The following MYLK variants were observed in gnomAD, a reference collection of about 807,000 sequenced individuals.
MYLK encodes the protein myosin light chain kinase.
A neutral mutation model predicts 203.4 loss-of-function variants in MYLK; 106 were observed. The observed-to-expected ratio is 0.52, with a 90% CI of 0.45 to 0.61. The LOEUF is 0.61. MYLK is among the 20% of genes least tolerant of loss of function. MYLK has a pLI of 0.00. For missense variants in MYLK, 2,072 were observed against 2,442.3 expected, an observed-to-expected ratio of 0.85 and a Z score of 3.20; for synonymous variants, 867 against 959.5, an observed-to-expected ratio of 0.90 and a Z score of 1.78.
At position 123,733,696 on chromosome 3, in the gene MYLK, TG is replaced by T. The variant is rs2062568513; in HGVS notation, c.1299del (p.Phe433LeufsTer22). ...AATTACCTCTACTCACCTTCACATC[TG>T]AACTTGACAGTTTGATTTTCCTTGA... ...QEVKENQTVK[F>X]RCEVSGIPKP... On this transcript the variant is annotated frameshift_variant, in exon 10 of 34. Transcript: ENST00000360304. LOFTEE classifies it high-confidence loss of function. 1 of 1,614,004 alleles carries T rather than the reference TG, an allele frequency of 6.2e-7. No homozygotes were observed. Among genetic ancestry groups the T allele is most frequent in the Non-Finnish European group, 8.5e-7 (1 of 1,180,040 alleles).
At chr3:123,765,656 G>A (rs748998553) in intron 4 of MYLK, among the ~76,000 whole-genome samples, 12 of 152,080 alleles carry the variant, frequency 7.9e-5, no homozygotes, top group Non-Finnish European at 1.5e-4. Context: ...CAGATAAATG[G>A]ACAAGCAAAA....
At chr3:123,879,182 A>G (rs1272481922) in intron 1 of MYLK, among the ~76,000 whole-genome samples, 1 of 152,196 alleles carries the variant, frequency 6.6e-6, no homozygotes, top group East Asian at 1.9e-4. Context: ...TGGCCACCCA[A>G]TTGCCTCTTA....
At chr3:123,842,963 G>C (rs147840743) in intron 2 of MYLK, among the ~76,000 whole-genome samples, 1 of 152,156 alleles carries the variant, frequency 6.6e-6, no homozygotes, top group Non-Finnish European at 1.5e-5. Flanking sequence ...ACACCATGTC[G>C]GATCTGACAA....
At chr3:123,726,337 G>A (rs1011524040) in intron 11 of MYLK, among the ~76,000 whole-genome samples, 1 of 152,154 alleles carries the variant, frequency 6.6e-6, no homozygotes, top group Admixed American at 6.5e-5. Context: ...CTTAGAACCT[G>A]GGCCTGCCTT....
chr3:123,865,377 A>C (rs2032256293), intron 2 of MYLK, among the ~76,000 whole-genome samples: 1 of 152,210 alleles, frequency 6.6e-6, no homozygotes, highest in African/African-American at 2.4e-5. Context: ...CACAGCTTTC[A>C]GCAGTGAAGA....
intron 4 of MYLK, among the ~76,000 whole-genome samples, chr3:123,762,063 C>T (rs992144246): frequency 6.6e-6 from 1 of 152,052 alleles, no homozygotes; most frequent in African/African-American, 2.4e-5. Flanking sequence ...ACCAAAACAC[C>T]CGTACCTGGT....
At chr3:123,763,527 T>C (rs2063603487) in intron 4 of MYLK, among the ~76,000 whole-genome samples, 2 of 152,258 alleles carry the variant, frequency 1.3e-5, no homozygotes, top group Admixed American at 6.5e-5. Flanking sequence ...TTATACTCAA[T>C]TGACATTTTG....
rs1165000680 is a variant in MYLK, at chr3:123,694,773, C to T, written c.3449-1922G>A. The stretch of plus-strand genomic sequence containing the variant: ...GGGGCAGGCAGCTTTTCCAACCTGC[C>T]CAGAGCCTGGACCCCTGGCCATGTG... On this transcript the variant is annotated intron_variant, in intron 18 of 33. Transcript: ENST00000360304. 2.0e-5 allele frequency among the ~76,000 whole-genome samples: 3 copies of T among 152,250 alleles called. No homozygotes were observed. The East Asian group carries it at 5.8e-4, about 29-fold the overall frequency.
chr3:123,684,642 G>A (rs989059214), intron 19 of MYLK, among the ~76,000 whole-genome samples: 7 of 152,156 alleles, frequency 4.6e-5, no homozygotes, highest in Admixed American at 4.6e-4. Context: ...TGCCTCCCAG[G>A]TTCAAGTGAT....
intron 4 of MYLK, among the ~76,000 whole-genome samples, chr3:123,783,455 G>C (rs2064378171): frequency 6.6e-6 from 1 of 152,120 alleles, no homozygotes; most frequent in Admixed American, 6.6e-5. Context: ...TAAATGCAGT[G>C]TTATATATTT....
chr3:123,716,054 A>C (rs1576706838), intron 13 of MYLK: 1 of 152,210 alleles, frequency 6.6e-6, no homozygotes, highest in South Asian at 2.1e-4. Context: ...CTGTTATACT[A>C]TGGAAATTCA....
At chr3:123,796,473 G>A (rs1040520848) in intron 3 of MYLK, among the ~76,000 whole-genome samples, 2 of 152,126 alleles carry the variant, frequency 1.3e-5, no homozygotes, top group African/African-American at 2.4e-5. Context: ...GTTGAGAGCC[G>A]CTACCACATA....
chr3:123,690,745 G>C (rs2060628604), intron 19 of MYLK, among the ~76,000 whole-genome samples: 1 of 152,174 alleles, frequency 6.6e-6, no homozygotes, highest in Non-Finnish European at 1.5e-5. Flanking sequence ...AATGGACTGA[G>C]AGTCAGTCCT....
Position 123,642,793 on chromosome 3 carries a change from A to C in MYLK, c.4620-2289T>G, listed in dbSNP as rs1221785883. Among the ~76,000 whole-genome samples the C allele has an allele frequency of 3.9e-5, 6 of 152,248 alleles. No individual in the cohort carries two copies. In the East Asian group the frequency reaches 1.2e-3, roughly 29 times the overall value. On this transcript the variant is annotated intron_variant, in intron 27 of 33. Coordinates refer to ENST00000360304, the MANE Select transcript of MYLK (RefSeq NM_053025.4). This position sits in a 1 kb window ranked among gnomAD's most constrained non-coding sequence, Gnocchi z 4.2. ...GGCTTCAAAGACTAAATGAGTCAAC[A>C]CAGGTAAAGTGCTTGGAAGTGTCTG...
chr3:123,618,790 A>G lies in MYLK; in HGVS notation c.5369-20T>C. 1.2e-6 allele frequency: 2 copies of G among 1,613,862 alleles called. No homozygotes were observed. Among genetic ancestry groups the G allele is most frequent in the African/African-American group, 2.7e-5 (2 of 75,054 alleles). Reference sequence around the variant, plus strand: ...CATCTTCTAGAAGACAGAGAAGAAGACCAGGTCATTTCTTCACTCGTTGTT... The same window carrying G: ...CATCTTCTAGAAGACAGAGAAGAAGGCCAGGTCATTTCTTCACTCGTTGTT... On this transcript the variant is annotated intron_variant, in intron 32 of 33. Coordinates refer to ENST00000360304, the MANE Select transcript of MYLK (RefSeq NM_053025.4).
chr3:123,694,595 G>A (rs1046782257), intron 18 of MYLK, among the ~76,000 whole-genome samples: 16 of 152,200 alleles, frequency 1.1e-4, no homozygotes, highest in East Asian at 3.8e-4. Context: ...CACCCCCAAC[G>A]CACATCCTGT....
intron 27 of MYLK, chr3:123,646,959 G>A (rs2059041875): frequency 1.8e-6 from 1 of 541,702 alleles, no homozygotes; most frequent in South Asian, 2.1e-5. Context: ...AGACACCAGG[G>A]TCCTCAAAGA....
chr3:123,650,627 G>A (rs2059179888), intron 24 of MYLK, among the ~76,000 whole-genome samples: 1 of 152,172 alleles, frequency 6.6e-6, no homozygotes, highest in African/African-American at 2.4e-5. Flanking sequence ...AAAAAAGGAT[G>A]AGATAGACAG....
At chr3:123,686,278 G>A (rs1463294876) in intron 19 of MYLK, among the ~76,000 whole-genome samples, 2 of 152,100 alleles carry the variant, frequency 1.3e-5, no homozygotes, top group African/African-American at 4.8e-5. Context: ...AGGAAGTGGG[G>A]GGCCTCTACA....
Sources: gnomAD v4.1 joint callset for allele counts (sites outside exome capture counted in the v4.1 genomes callset) on GRCh38, gnomAD v4.1.1 for gene constraint, Gnocchi (gnomAD v3.1) non-coding constraint, MANE v1.5 for transcripts, NCBI Gene and HGNC (gene_info 2026-07-23, HGNC 2026-07-21) for gene names.